Variants in SPAG16 observed in about 807,000 individuals in gnomAD.
SPAG16 encodes the protein sperm associated antigen 16.
Under a neutral mutation model 80.4 loss-of-function variants are expected in SPAG16, and 86 were observed. The ratio of observed to expected loss-of-function variants is 1.07; its 90% confidence interval spans 0.90 to 1.28. The LOEUF is 1.28. SPAG16 is among the 50% of genes most tolerant of loss of function. The pLI is 0.00. For synonymous variants in SPAG16, 294 were observed against 265.9 expected, an observed-to-expected ratio of 1.11 and a Z score of -1.03; for missense variants, 870 against 765.3, an observed-to-expected ratio of 1.14 and a Z score of -1.61.
chr2:213,884,513 A>G (rs10185168), intron 11 of SPAG16, among the ~76,000 whole-genome samples: 90,322 of 151,898 alleles, frequency 0.59, 28,729 homozygotes, highest in South Asian at 0.85. Flanking sequence ...GCTGTTCTCC[A>G]TATTTCTTGG....
rs759831908 is a variant in SPAG16 at position 213,310,102 on chromosome 2, T to C, written c.323T>C (p.Val108Ala). ...CCTTCAAAGCATGCAGTACCTGAAG[T>C]AATAGAAGACTTTCTCTGCAATTTC... ...VLPSKHAVPE[V>A]IEDFLCNFLI... The change falls in exon 4 of 16, where the codon GTA (valine) becomes GCA (alanine). Residue 108 changes from valine to alanine, a missense_variant. By Grantham distance (64) the Val-to-Ala change is moderately conservative. Coordinates refer to ENST00000331683, the MANE Select transcript of SPAG16 (RefSeq NM_024532.5). 1 of 1,611,980 alleles carries C rather than the reference T, an allele frequency of 6.2e-7. No individual in the cohort carries two copies. Among genetic ancestry groups the C allele is most frequent in the South Asian group, 1.1e-5 (1 of 90,914 alleles).
intron 15 of SPAG16, among the ~76,000 whole-genome samples, chr2:214,257,714 T>C (rs2125863281): frequency 6.6e-6 from 1 of 152,240 alleles, no homozygotes; most frequent in East Asian, 1.9e-4. Context: ...CATTGTTCTT[T>C]TTATATATTA....
chr2:213,770,887 C>G (rs1490911381), intron 10 of SPAG16, among the ~76,000 whole-genome samples: 1 of 151,980 alleles, frequency 6.6e-6, no homozygotes, highest in Non-Finnish European at 1.5e-5. Context: ...GGTTGATTCC[C>G]TGTGTTTGCT....
chr2:214,084,440 C>T (rs2051588393), intron 13 of SPAG16, among the ~76,000 whole-genome samples: 1 of 152,136 alleles, frequency 6.6e-6, no homozygotes, highest in South Asian at 2.1e-4. Flanking sequence ...CACCTTACAA[C>T]ATGAACTCCC....
chr2:214,023,501 A>G (rs2047987205), intron 13 of SPAG16, among the ~76,000 whole-genome samples: 1 of 151,796 alleles, frequency 6.6e-6, no homozygotes, highest in African/African-American at 2.4e-5. Flanking sequence ...CATTAACTTA[A>G]GGTATAAGTA....
chr2:214,063,515 T>G lies in SPAG16; in HGVS notation c.1528-44681T>G, dbSNP rs547035010. The stretch of plus-strand genomic sequence containing the variant: ...AGGTCAACAATGGGGCAATTACTAG[T>G]TCCCTCCAGCTTTTTTATCAGGTCA... On this transcript the variant is annotated intron_variant, in intron 13 of 15. Transcript: ENST00000331683. 2.0e-5 allele frequency among the ~76,000 whole-genome samples: 3 copies of G among 152,226 alleles called. No homozygotes were observed. The East Asian group carries it at 5.8e-4, about 29-fold the overall frequency.
chr2:214,047,852 A>G (rs2049419802), intron 13 of SPAG16, among the ~76,000 whole-genome samples: 1 of 152,190 alleles, frequency 6.6e-6, no homozygotes, highest in Admixed American at 6.6e-5. Flanking sequence ...AAAAATTCTA[A>G]TACTCTGATT....
At chr2:213,687,155 T>C (rs906252361) in intron 10 of SPAG16, among the ~76,000 whole-genome samples, 14 of 152,196 alleles carry the variant, frequency 9.2e-5, no homozygotes, top group African/African-American at 3.4e-4. Context: ...TATTAAGTTA[T>C]GTACCTCTTC....
intron 15 of SPAG16, among the ~76,000 whole-genome samples, chr2:214,395,069 T>C (rs1701291257): frequency 6.6e-6 from 1 of 152,206 alleles, no homozygotes; most frequent in African/African-American, 2.4e-5. Flanking sequence ...CTGAAGAATA[T>C]TCCATTGTCT....
chr2:213,685,603 T>C (rs561895194), intron 10 of SPAG16, among the ~76,000 whole-genome samples: 87 of 151,002 alleles, frequency 5.8e-4, no homozygotes, highest in African/African-American at 2.1e-3. Context: ...AACATATCAG[T>C]GTAGATTGCA....
intron 7 of SPAG16, among the ~76,000 whole-genome samples, chr2:213,363,815 A>T (rs2066129176): frequency 6.6e-6 from 1 of 152,122 alleles, no homozygotes; most frequent in Admixed American, 6.5e-5. Context: ...AGTATTCTTA[A>T]TTCAGGAAAC....
chr2:213,547,255 GGGCTCC>G (rs2076642328), intron 10 of SPAG16, among the ~76,000 whole-genome samples: 1 of 151,858 alleles, frequency 6.6e-6, no homozygotes, highest in African/African-American at 2.4e-5. Flanking sequence ...TAATAGAAAA[GGGCTCC>G]AAAAATGCAA....
chr2:214,261,885 T>C (rs1423476769), intron 15 of SPAG16, among the ~76,000 whole-genome samples: 2 of 152,140 alleles, frequency 1.3e-5, no homozygotes, highest in African/African-American at 2.4e-5. Flanking sequence ...CCAAAAATTC[T>C]TGGTAGCATA....
chr2:213,593,071 A>T (rs1264811520), intron 10 of SPAG16, among the ~76,000 whole-genome samples: 1 of 151,642 alleles, frequency 6.6e-6, no homozygotes, highest in East Asian at 1.9e-4. Flanking sequence ...ATCCGTATGT[A>T]TATATATATT....
At chr2:214,251,849 C>G (rs1690316335) in intron 15 of SPAG16, among the ~76,000 whole-genome samples, 1 of 151,966 alleles carries the variant, frequency 6.6e-6, no homozygotes, top group African/African-American at 2.4e-5. Flanking sequence ...TCTAAGTAGC[C>G]AAGGGGATGT....
At chr2:213,883,091 C>A (rs1298533561) in intron 11 of SPAG16, among the ~76,000 whole-genome samples, 3 of 152,164 alleles carry the variant, frequency 2.0e-5, no homozygotes, top group African/African-American at 7.2e-5. Context: ...CCTTTAGGTG[C>A]AAAGGTAGAT....
At chr2:213,956,365 T>C (rs959135161) in intron 12 of SPAG16, among the ~76,000 whole-genome samples, 32 of 152,058 alleles carry the variant, frequency 2.1e-4, no homozygotes, top group Non-Finnish European at 7.4e-5. Flanking sequence ...TTCTTATAGT[T>C]CCTTAGTTTG....
At chr2:213,667,420 T>A (rs2063647977) in intron 10 of SPAG16, among the ~76,000 whole-genome samples, 1 of 152,160 alleles carries the variant, frequency 6.6e-6, no homozygotes, top group African/African-American at 2.4e-5. Context: ...TTCTTGGTGC[T>A]TTGGGTTCCT....
At chr2:214,271,821 A>G (rs990495032) in intron 15 of SPAG16, among the ~76,000 whole-genome samples, 5 of 149,774 alleles carry the variant, frequency 3.3e-5, no homozygotes, top group African/African-American at 7.4e-5. Context: ...AAATAAATTA[A>G]AAAAAGAGAA....
Sources: allele counts gnomAD v4.1 joint callset (sites outside exome capture counted in the v4.1 genomes callset), GRCh38; gene constraint gnomAD v4.1.1; transcripts MANE v1.5; gene names NCBI Gene and HGNC (gene_info 2026-07-23, HGNC 2026-07-21).